The following GAS7 variants were observed in gnomAD, a reference collection of about 807,000 sequenced individuals.
The protein encoded by GAS7 is growth arrest-specific protein 7.
GAS7 carries 28 observed loss-of-function variants against 71.1 expected under a neutral mutation model. The ratio of observed to expected loss-of-function variants is 0.39; its 90% CI spans 0.29 to 0.54. The LOEUF (loss-of-function observed/expected upper bound fraction) is 0.54. GAS7 is among the 20% of genes least tolerant of loss of function. The pLI is 0.62. For synonymous variants in GAS7, 258 were observed against 245.8 expected (o/e 1.05, Z -0.46); for missense variants, 436 against 627.8 (o/e 0.69, Z 3.27).
chr17:10,105,712 G>A (rs1471808273), intron 1 of GAS7, among the ~76,000 whole-genome samples: 1 of 152,086 alleles, frequency 6.6e-6, no homozygotes, highest in Non-Finnish European at 1.5e-5. Context: ...CCTCCCAATC[G>A]CATGAGCCCG....
At chr17:10,051,613 G>C (rs1192605513) in intron 1 of GAS7, among the ~76,000 whole-genome samples, 1 of 152,170 alleles carries the variant, frequency 6.6e-6, no homozygotes, top group Non-Finnish European at 1.5e-5. Flanking sequence ...GTCCACGAGG[G>C]CTACAACCAT....
At chr17:10,148,475 A>G (rs2074138225) in intron 1 of GAS7, among the ~76,000 whole-genome samples, 1 of 149,840 alleles carries the variant, frequency 6.7e-6, no homozygotes, top group East Asian at 2.0e-4. Flanking sequence ...AAAATTAGCC[A>G]GGCGTGGTGG....
At chr17:10,101,564 G>A (rs1325898614) in intron 1 of GAS7, among the ~76,000 whole-genome samples, 1 of 152,200 alleles carries the variant, frequency 6.6e-6, no homozygotes. Flanking sequence ...AGAACAGGCG[G>A]TACCTACAGC....
chr17:10,105,580 G>A (rs1419064448), intron 1 of GAS7, among the ~76,000 whole-genome samples: 1 of 152,086 alleles, frequency 6.6e-6, no homozygotes, highest in South Asian at 2.1e-4. Context: ...ACCTCTGCCT[G>A]GAATGCTGTT....
chr17:10,092,536 C>T (rs2073594523), intron 1 of GAS7, among the ~76,000 whole-genome samples: 1 of 152,178 alleles, frequency 6.6e-6, no homozygotes, highest in African/African-American at 2.4e-5. Context: ...GATATTTTTT[C>T]CCCAAGGGAC....
chr17:9,944,455 G>A (rs113253767), intron 6 of GAS7, among the ~76,000 whole-genome samples: 1 of 152,028 alleles, frequency 6.6e-6, no homozygotes, highest in African/African-American at 2.4e-5. Context: ...GTATCTCCCC[G>A]GACCACCCCC....
At chr17:10,142,519 C>G (rs2074090800) in intron 1 of GAS7, among the ~76,000 whole-genome samples, 1 of 152,094 alleles carries the variant, frequency 6.6e-6, no homozygotes, top group Admixed American at 6.5e-5. Context: ...CAGGAGCGCA[C>G]CACCACTACC....
chr17:10,036,606 C>T (rs1435773127), intron 1 of GAS7: 3 of 1,460,626 alleles, frequency 2.1e-6, no homozygotes, highest in Non-Finnish European at 2.7e-6. Context: ...GTTCTGGGCA[C>T]CCCAGCGGAG....
intron 1 of GAS7, among the ~76,000 whole-genome samples, chr17:10,118,092 G>A (rs954543047): frequency 6.6e-6 from 1 of 152,120 alleles, no homozygotes; most frequent in African/African-American, 2.4e-5. Context: ...GTAACAGGCA[G>A]CACCAGGACC....
intron 1 of GAS7, among the ~76,000 whole-genome samples, chr17:10,171,788 G>A (rs1324157643): frequency 6.7e-6 from 1 of 149,372 alleles, no homozygotes; most frequent in Non-Finnish European, 1.5e-5. Context: ...GCCTTTATCT[G>A]AGAAATGGAA....
At chr17:10,043,210 A>T (rs986618738) in intron 1 of GAS7, among the ~76,000 whole-genome samples, 25 of 152,184 alleles carry the variant, frequency 1.6e-4, no homozygotes, top group African/African-American at 5.8e-4. Flanking sequence ...TCATTAGTGC[A>T]TGCAACACCC....
At position 10,026,212 on chromosome 17, in the gene GAS7, G is replaced by A. The variant is rs962687856; in HGVS notation, c.184-6315C>T. On this transcript the variant is annotated intron_variant, in intron 1 of 13. Coordinates refer to ENST00000432992, the MANE Select transcript of GAS7 (RefSeq NM_201433.2). The surrounding 1 kb of genome is among the most constrained non-coding windows in gnomAD (Gnocchi z 4.5). Reference sequence around the variant, plus strand: ...GTTAATGGGTGGTCGTCAGACACTCGCTTTAGCAGCCAGATCAGACGGTTT... The same window carrying A: ...GTTAATGGGTGGTCGTCAGACACTCACTTTAGCAGCCAGATCAGACGGTTT... 4.1e-6 allele frequency: 4 copies of A among 985,022 alleles called. No individual in the cohort carries two copies. Among genetic ancestry groups the A allele is most frequent in the African/African-American group, 1.7e-5 (1 of 57,198 alleles). 61.0% of individuals were successfully genotyped at this position (985,022 alleles called of 1,614,324 possible). A position where few individuals can be genotyped will look rare whatever the true frequency, so the allele number is the denominator to read the frequency against.
chr17:10,019,120 T>C (rs183704464), intron 2 of GAS7, among the ~76,000 whole-genome samples: 11 of 152,216 alleles, frequency 7.2e-5, no homozygotes, highest in Non-Finnish European at 8.8e-5. Context: ...CTTCTGGGGA[T>C]CCTGGGGTCA....
At chr17:10,084,792 C>T (rs2073499253) in intron 1 of GAS7, among the ~76,000 whole-genome samples, 1 of 152,086 alleles carries the variant, frequency 6.6e-6, no homozygotes, top group South Asian at 2.1e-4. Context: ...TAATAGCAGC[C>T]CGCTCTTTTT....
intron 1 of GAS7, among the ~76,000 whole-genome samples, chr17:10,183,077 G>A (rs528484017): frequency 6.6e-5 from 10 of 152,006 alleles, no homozygotes; most frequent in African/African-American, 2.2e-4. Flanking sequence ...ATGGCCAGAC[G>A]CTGCAGCTTC....
chr17:9,986,020 T>C (rs894561186), intron 2 of GAS7, among the ~76,000 whole-genome samples: 4 of 152,352 alleles, frequency 2.6e-5, no homozygotes, highest in Admixed American at 6.5e-5. Flanking sequence ...CAGCACTTTG[T>C]CCATCCCTCA....
intron 1 of GAS7, among the ~76,000 whole-genome samples, chr17:10,129,632 G>A (rs2073980520): frequency 6.6e-6 from 1 of 152,086 alleles, no homozygotes. Context: ...AAAAGCACAA[G>A]GAATCAAAGG....
At position 9,958,445 on chromosome 17, in the gene GAS7, G is replaced by A. The variant is rs191943597; in HGVS notation, c.525+757C>T. Reference sequence around the variant, plus strand: ...TGGTTTTGTCTCCACAGGGGTGGTCGGAATGGCTCAGAGCTGTGTGAGTTG... The same window carrying A: ...TGGTTTTGTCTCCACAGGGGTGGTCAGAATGGCTCAGAGCTGTGTGAGTTG... On this transcript the variant is annotated intron_variant, in intron 5 of 13. Coordinates refer to ENST00000432992, the MANE Select transcript of GAS7 (RefSeq NM_201433.2). 5.9e-5 allele frequency among the ~76,000 whole-genome samples: 9 copies of A among 152,342 alleles called. No individual in the cohort carries two copies. The East Asian group carries it at 1.7e-3, about 29-fold the overall frequency.
At chr17:10,075,495 C>G (rs2073380608) in intron 1 of GAS7, among the ~76,000 whole-genome samples, 1 of 152,088 alleles carries the variant, frequency 6.6e-6, no homozygotes, top group Admixed American at 6.6e-5. Flanking sequence ...TATTATAACA[C>G]AGTGAGGCAA....
Sources: allele counts gnomAD v4.1 joint callset (sites outside exome capture counted in the v4.1 genomes callset), GRCh38; gene constraint gnomAD v4.1.1; non-coding constraint Gnocchi (gnomAD v3.1); transcripts MANE v1.5; gene names NCBI Gene and HGNC (gene_info 2026-07-23, HGNC 2026-07-21).